Variants in CMYA5 observed in about 807,000 individuals in gnomAD.
The protein encoded by CMYA5 is cardiomyopathy associated 5.
In CMYA5, 246 loss-of-function variants were observed where a neutral mutation model predicts 318.9. The ratio of observed to expected loss-of-function variants is 0.77; its 90% CI spans 0.70 to 0.86. CMYA5 has a LOEUF of 0.86. Among genes scored for constraint, CMYA5 ranks in the 40% least tolerant of loss-of-function variants. The pLI is 0.00. For missense variants in CMYA5, 4,589 were observed against 4,678.2 expected, an observed-to-expected ratio of 0.98 and a Z score of 0.56; for synonymous variants, 1,641 against 1,729.5, an observed-to-expected ratio of 0.95 and a Z score of 1.27.
chr5:79,689,978 G>A lies in CMYA5; in HGVS notation c.71G>A (p.Arg24Gln). ...TCCGACGGGGACGAGGAGGCGACCC[G>A]GGAGCTGGAGACCGAGGAGGAGTCG... is the stretch of plus-strand genomic sequence containing the variant. ...LGSDGDEEAT[R>Q]ELETEEESEG... is the part of the protein sequence containing the mutation. Residue 24 changes from arginine (R) to glutamine (Q), a missense_variant, in exon 1 of 13, where the codon CGG becomes CAG. By Grantham distance (43) the Arg-to-Gln change is conservative. This residue lies in a region of CMYA5 where 2,132 missense variants were observed against 2,131.3 expected (regional missense o/e 1.00). Coordinates refer to ENST00000446378, the MANE Select transcript of CMYA5 (RefSeq NM_153610.5). 2 of 1,378,348 alleles carry A rather than the reference G, an allele frequency of 1.5e-6. No individual in the cohort carries two copies. The highest frequency in any genetic ancestry group is 2.7e-5 in the East Asian group (1 of 36,810). 85.4% of individuals were successfully genotyped at this position (1,378,348 alleles called of 1,614,324 possible). A position where few individuals can be genotyped will look rare whatever the true frequency, so the allele number is the denominator to read the frequency against.
chr5:79,725,931 C>T (rs1037077718), intron 1 of CMYA5, among the ~76,000 whole-genome samples: 1 of 151,298 alleles, frequency 6.6e-6, no homozygotes, highest in African/African-American at 2.4e-5. Context: ...ATTTTAAAAA[C>T]TGGAAATTAA....
intron 1 of CMYA5, among the ~76,000 whole-genome samples, chr5:79,715,510 A>G (rs895095061): frequency 2.6e-5 from 4 of 151,908 alleles, no homozygotes; most frequent in Non-Finnish European, 5.9e-5. Context: ...GATGGTCTCG[A>G]TCTCCTGACC....
intron 2 of CMYA5, among the ~76,000 whole-genome samples, chr5:79,741,614 C>T (rs1403666840): frequency 6.6e-6 from 1 of 152,056 alleles, no homozygotes; most frequent in Non-Finnish European, 1.5e-5. Flanking sequence ...TTTGTGAAAT[C>T]TCAGACGTCA....
chr5:79,738,129 C>T lies in CMYA5; in HGVS notation c.9364C>T (p.His3122Tyr), dbSNP rs769312610. 1 of 1,613,678 alleles carries T rather than the reference C, an allele frequency of 6.2e-7. No individual in the cohort carries two copies. Among genetic ancestry groups the T allele is most frequent in the Non-Finnish European group, 8.5e-7 (1 of 1,179,790 alleles). ...AAGTTTTTATGGACCAGAAAAGGGC[C>T]ACAACATATTATCTCATCCAGAGAC... ...DESFYGPEKGHNILSHPETQS... is the reference protein window; with the variant it reads ...DESFYGPEKGYNILSHPETQS... Residue 3122 changes from histidine to tyrosine, a missense_variant, in exon 2 of 13, where the codon CAC becomes TAC. This residue lies in a region of CMYA5 where 2,431 missense variants were observed against 2,495.1 expected (regional missense o/e 0.97). Transcript: ENST00000446378.
chr5:79,747,749 T>G (rs1580784137), intron 5 of CMYA5, among the ~76,000 whole-genome samples: 2 of 152,232 alleles, frequency 1.3e-5, no homozygotes, highest in Admixed American at 6.5e-5. Context: ...ATTATAATTA[T>G]CCAACAGATC....
rs775127669 is a variant in CMYA5, at chr5:79,692,285, G to A, written c.149+2229G>A. On this transcript the variant is annotated intron_variant, in intron 1 of 12. Coordinates refer to ENST00000446378, the MANE Select transcript of CMYA5 (RefSeq NM_153610.5). ...AGGAGGGGTCCACTCAGATGGTCGG[G>A]GGCTTAGAATTTTATTTTTGGTTTG... 1.1e-4 allele frequency among the ~76,000 whole-genome samples: 17 copies of A among 152,044 alleles called. No individual in the cohort carries two copies. In the South Asian group the frequency reaches 1.2e-3, roughly 11 times the overall value.
Position 79,732,560 on chromosome 5 carries a change from A to G in CMYA5, c.3795A>G (p.Glu1265=), listed in dbSNP as rs1209465986. ...KPKLVLNVTS[E]LEQRKLSKNE... ...AATTAGTTCTAAATGTGACTTCTGAACTAGAACAGAGAAAGTTGTCCAAGA... is the reference window on the plus strand; with the variant it reads ...AATTAGTTCTAAATGTGACTTCTGAGCTAGAACAGAGAAAGTTGTCCAAGA... Residue 1265 remains glutamate, a synonymous_variant, in exon 2 of 13, where the codon GAA becomes GAG. Coordinates refer to ENST00000446378, the MANE Select transcript of CMYA5 (RefSeq NM_153610.5). 2 of 1,613,068 alleles carry G rather than the reference A, an allele frequency of 1.2e-6. No homozygotes were observed.
Position 79,737,468 on chromosome 5 carries a change from A to G in CMYA5, c.8703A>G (p.Ala2901=). The change falls in exon 2 of 13, where the codon GCA becomes GCG. Residue 2901 remains alanine (A), a synonymous_variant. Transcript: ENST00000446378. ...NYAQFISNTS[A]SNADKMVSNK... The stretch of plus-strand genomic sequence containing the variant: ...CTCAATTTATATCTAATACATCAGC[A>G]AGCAATGCTGATAAAATGGTTTCTA... 1 of 1,613,858 alleles carries G rather than the reference A, an allele frequency of 6.2e-7. No homozygotes were observed. The highest frequency in any genetic ancestry group is 2.2e-5 in the East Asian group (1 of 44,886).
chr5:79,763,903 G>A (rs1036950111), intron 9 of CMYA5, among the ~76,000 whole-genome samples: 2 of 152,074 alleles, frequency 1.3e-5, no homozygotes, highest in African/African-American at 4.8e-5. Context: ...CTCATATTTT[G>A]ATAGAGAGGT....
chr5:79,737,964 CCAGAAAAA>C lies in CMYA5; in HGVS notation c.9206_9213del (p.Lys3069SerfsTer8), dbSNP rs1028478629. On this transcript the variant is annotated frameshift_variant, in exon 2 of 13. Coordinates refer to ENST00000446378, the MANE Select transcript of CMYA5 (RefSeq NM_153610.5). LOFTEE classifies it high-confidence loss of function. ...GATTGATTATAACATCTCCCCAGAC[CCAGAAAAA>C]CAGAAAGCTCCACAGAAATTAAATG... 3.1e-6 allele frequency: 5 copies of C among 1,613,088 alleles called. No homozygotes were observed. In the Admixed American group the frequency reaches 8.4e-5, roughly 27 times the overall value.
chr5:79,701,284 T>G (rs1827170926), intron 1 of CMYA5, among the ~76,000 whole-genome samples: 1 of 151,994 alleles, frequency 6.6e-6, no homozygotes, highest in African/African-American at 2.4e-5. Context: ...TAATACCTGG[T>G]GTTTGATAGA....
At position 79,731,876 on chromosome 5, in the gene CMYA5, CT is replaced by C; in HGVS notation, c.3115del (p.Ser1039GlnfsTer33). 6.2e-7 allele frequency: 1 copy of C among 1,613,516 alleles called. No individual in the cohort carries two copies. The highest frequency in any genetic ancestry group is 8.5e-7 in the Non-Finnish European group (1 of 1,179,742). ...TAVSASGYSCFSEADEEDIGS... is the reference protein window; with the variant it reads ...TAVSASGYSCXSEADEEDIGS... ...CAGTGTCTGCTTCAGGTTATTCCTG[CT>C]TTTCAGAAGCAGATGAGGAAGACAT... On this transcript the variant is annotated frameshift_variant, in exon 2 of 13. Coordinates refer to ENST00000446378, the MANE Select transcript of CMYA5 (RefSeq NM_153610.5). LOFTEE classifies it high-confidence loss of function.
chr5:79,792,986 G>A (rs1235322415), intron 11 of CMYA5, among the ~76,000 whole-genome samples: 3 of 152,332 alleles, frequency 2.0e-5, no homozygotes, highest in East Asian at 3.9e-4. Flanking sequence ...GTCCAGTAAG[G>A]TCAGGAGGCA....
Position 79,768,924 on chromosome 5 carries a change from G to A in CMYA5, c.11555+5715G>A, listed in dbSNP as rs1336391721. Among the ~76,000 whole-genome samples the A allele has an allele frequency of 2.0e-5, 3 of 151,970 alleles. No individual in the cohort carries two copies. The East Asian group carries it at 5.8e-4, about 29-fold the overall frequency. ...GGCTCCATTCTCCCTGTCACTTTCA[G>A]CTACACCAATCAGACGTAGATTTGG... On this transcript the variant is annotated intron_variant, in intron 9 of 12. Transcript: ENST00000446378.
intron 9 of CMYA5, among the ~76,000 whole-genome samples, chr5:79,786,399 A>T (rs965635699): frequency 1.3e-5 from 2 of 152,206 alleles, no homozygotes; most frequent in African/African-American, 4.8e-5. Context: ...AAATTTTATT[A>T]TTGGCTGTAG....
intron 1 of CMYA5, among the ~76,000 whole-genome samples, chr5:79,705,978 C>T (rs1052396719): frequency 2.6e-5 from 4 of 152,182 alleles, no homozygotes; most frequent in African/African-American, 9.7e-5. Context: ...CTCCCTTCCC[C>T]ATCATCTACT....
At chr5:79,744,018 G>A in intron 3 of CMYA5, 96 bp downstream of exon 3, 2 of 590,816 alleles carry the variant, frequency 3.4e-6, no homozygotes, top group Non-Finnish European at 2.9e-6. Context: ...GGGATTTTAT[G>A]CGCATGTGTT....
intron 9 of CMYA5, among the ~76,000 whole-genome samples, chr5:79,777,149 T>A (rs1436430096): frequency 6.6e-6 from 1 of 152,242 alleles, no homozygotes; most frequent in Non-Finnish European, 1.5e-5. Context: ...TCTGAGCTGG[T>A]AATATAGCTC....
At chr5:79,767,011 ACTT>A (rs1469566423) in intron 9 of CMYA5, among the ~76,000 whole-genome samples, 1 of 152,150 alleles carries the variant, frequency 6.6e-6, no homozygotes, top group Non-Finnish European at 1.5e-5. Context: ...CAGGGATTCG[ACTT>A]CTTCCTGGTT....
Sources: allele counts gnomAD v4.1 joint callset (sites outside exome capture counted in the v4.1 genomes callset), GRCh38; gene constraint gnomAD v4.1.1; regional missense constraint gnomAD v4.1.1; transcripts MANE v1.5; gene names NCBI Gene and HGNC (gene_info 2026-07-23, HGNC 2026-07-21).